Variants in GGA3 observed in about 807,000 individuals in gnomAD.
GGA3 encodes golgi associated, gamma adaptin ear containing, ARF binding protein 3.
Under a neutral mutation model 77.5 loss-of-function variants are expected in GGA3, and 57 were observed. The observed-to-expected ratio is 0.74, with a 90% CI of 0.59 to 0.92. The LOEUF is 0.92. Ranked by LOEUF, GGA3 falls within the 40% of genes least tolerant of loss-of-function variation. The probability of loss-of-function intolerance (pLI) is 0.00; values close to 1 mark genes in which losing one functional copy is unlikely to be tolerated. For missense variants in GGA3, 970 were observed against 914.9 expected (o/e 1.06, Z -0.78); for synonymous variants, 416 against 383.7 (o/e 1.08, Z -0.98).
rs1473481481 is a variant in GGA3, at chr17:75,236,814, G to T, written c.*1465C>A. On this transcript the variant is annotated 3_prime_UTR_variant, in exon 17 of 17. Coordinates refer to ENST00000537686, the MANE Select transcript of GGA3 (RefSeq NM_138619.4). ...GCAGCCAGTCTCTGGAAAGCTCTTGGATTTATTCCTTAAGTAGTGAAAAAT... is the reference window on the plus strand; with the variant it reads ...GCAGCCAGTCTCTGGAAAGCTCTTGTATTTATTCCTTAAGTAGTGAAAAAT... 1 of 153,846 alleles carries T rather than the reference G, an allele frequency of 6.5e-6. No homozygotes were observed. Among genetic ancestry groups the T allele is most frequent in the African/African-American group, 2.4e-5 (1 of 41,434 alleles). The allele number at this position is 153,846 out of a possible 1,614,324, so 9.5% of individuals were successfully genotyped here.
intron 3 of GGA3, among the ~76,000 whole-genome samples, chr17:75,246,012 C>T (rs1351945994): frequency 6.6e-6 from 1 of 152,230 alleles, no homozygotes; most frequent in Non-Finnish European, 1.5e-5. Flanking sequence ...CACCATTCCA[C>T]ACCTTAAATT....
chr17:75,244,706 T>C lies in GGA3; in HGVS notation c.213A>G (p.Ala71=), dbSNP rs139907625. ...ATCTCCTCCCACAGTTCTTCATGCATGCCTCCAGCACCTGTAGCCGCACAG... is the reference window on the plus strand; with the variant it reads ...ATCTCCTCCCACAGTTCTTCATGCACGCCTCCAGCACCTGTAGCCGCACAG... ...EALQALTVLE[A]CMKNCGRRFH... The change falls in exon 4 of 17, where the codon GCA becomes GCG. Residue 71 remains alanine (A), a synonymous_variant. Coordinates refer to ENST00000537686, the MANE Select transcript of GGA3 (RefSeq NM_138619.4). 157 of 1,613,276 alleles carry C rather than the reference T, an allele frequency of 9.7e-5. No individual in the cohort carries two copies. In the African/African-American group the frequency reaches 1.8e-3, roughly 19 times the overall value.
In GGA3 at chr17:75,237,264, G is replaced by A; in HGVS notation, c.*1015C>T. 4.9e-6 allele frequency: 3 copies of A among 606,292 alleles called. No homozygotes were observed. Among genetic ancestry groups the A allele is most frequent in the Non-Finnish European group, 8.8e-6 (3 of 339,466 alleles). 37.6% of individuals were successfully genotyped at this position (606,292 alleles called of 1,614,324 possible). A position where few individuals can be genotyped will look rare whatever the true frequency, so the allele number is the denominator to read the frequency against. ...TCGCTGACAGTGCCCCTCAGTAGCT[G>A]GGGAACAGTTGAGGTTTCTGGGCAG... On this transcript the variant is annotated 3_prime_UTR_variant, in exon 17 of 17. Transcript: ENST00000537686.
chr17:75,256,934 C>G (rs1417785980), intron 1 of GGA3, among the ~76,000 whole-genome samples: 5 of 151,582 alleles, frequency 3.3e-5, no homozygotes, highest in African/African-American at 9.8e-5. Flanking sequence ...GACACAATTC[C>G]TCAGTTTAGC....
intron 10 of GGA3, 64 bp downstream of exon 10, chr17:75,241,336 G>A (rs2076547984): frequency 2.8e-6 from 3 of 1,069,886 alleles, no homozygotes; most frequent in South Asian, 2.5e-5. Context: ...TACACCCGCA[G>A]CTTCATGATA....
rs763272140 is a variant in GGA3 at position 75,239,827 on chromosome 17, G to A, written c.1545C>T (p.His515=). 12 of 1,613,824 alleles carry A rather than the reference G, an allele frequency of 7.4e-6. No individual in the cohort carries two copies. Among genetic ancestry groups the A allele is most frequent in the Non-Finnish European group, 1.0e-5 (12 of 1,180,048 alleles). Residue 515 remains histidine (H), a synonymous_variant, in exon 13 of 17, where the codon CAC becomes CAT. Coordinates refer to ENST00000537686, the MANE Select transcript of GGA3 (RefSeq NM_138619.4). The part of the protein sequence containing the change: ...GLALGNSALH[H]LDALDQLLEE... The stretch of plus-strand genomic sequence containing the variant: ...CTAGAAGCTGATCGAGGGCATCCAG[G>A]TGGTGCAGCGCGCTGTTGCCCAACG...
At chr17:75,261,706 A>C, upstream of GGA3, 1 of 1,170,248 alleles carries the variant, frequency 8.5e-7, no homozygotes. Flanking sequence ...GCCGCGCCAG[A>C]CTGCGACGGA....
intron 7 of GGA3, 125 bp downstream of exon 7, chr17:75,242,706 G>A (rs1174350659): frequency 3.4e-5 from 32 of 936,734 alleles, no homozygotes; most frequent in Non-Finnish European, 4.9e-5. Context: ...CTCAGCCACC[G>A]GGGCACAGGT....
chr17:75,254,089 A>AG (rs2077061288), intron 1 of GGA3, among the ~76,000 whole-genome samples: 1 of 151,842 alleles, frequency 6.6e-6, no homozygotes, highest in Non-Finnish European at 1.5e-5. Flanking sequence ...GTTCCCTCTC[A>AG]AGTCTCTGTT....
intron 1 of GGA3, among the ~76,000 whole-genome samples, chr17:75,255,948 A>G (rs1344021848): frequency 2.0e-5 from 3 of 152,172 alleles, no homozygotes; most frequent in Non-Finnish European, 4.4e-5. Context: ...GGCTTCACAG[A>G]CAGCCCCCAT....
Position 75,241,688 on chromosome 17 carries a change from A to C in GGA3, c.756T>G (p.Phe252Leu), listed in dbSNP as rs200204002. The C allele has an allele frequency of 1.1e-5, 17 of 1,613,908 alleles. No homozygotes were observed. In the East Asian group the frequency reaches 3.8e-4, roughly 36 times the overall value. ...DGDRELMKEL[F>L]DQCENKRRTL... ...TCCGCCTCTTGTTCTCACACTGATCAAACAGCTCCTGAAAGAGACTCGGAC... is the reference window on the plus strand; with the variant it reads ...TCCGCCTCTTGTTCTCACACTGATCCAACAGCTCCTGAAAGAGACTCGGAC... The change falls in exon 9 of 17, where the codon TTT (phenylalanine) becomes TTG (leucine). Residue 252 changes from phenylalanine (F) to leucine (L), a missense_variant. Transcript: ENST00000537686.
At chr17:75,258,952 CTTTT>C (rs1189517940) in intron 1 of GGA3, among the ~76,000 whole-genome samples, 23 of 131,314 alleles carry the variant, frequency 1.8e-4, no homozygotes, top group Admixed American at 2.3e-4. Flanking sequence ...TGCCTTGTAT[CTTTT>C]TTTTTTTTTT....
intron 3 of GGA3, among the ~76,000 whole-genome samples, chr17:75,245,031 G>A (rs2076706738): frequency 6.6e-6 from 1 of 152,152 alleles, no homozygotes; most frequent in Non-Finnish European, 1.5e-5. Flanking sequence ...TTCTGGCCTC[G>A]TGTTTTACAA....
chr17:75,261,643 G>A, upstream of GGA3: 1 of 1,464,260 alleles, frequency 6.8e-7, no homozygotes, highest in South Asian at 1.4e-5. Context: ...CACGAGCTGA[G>A]ACGGGGCGGG....
At chr17:75,254,669 C>T (rs1598439824) in intron 1 of GGA3, among the ~76,000 whole-genome samples, 1 of 152,302 alleles carries the variant, frequency 6.6e-6, no homozygotes. Context: ...TTAACCTCGC[C>T]TTCAAGGTGT....
chr17:75,260,647 G>A (rs1375853775), intron 1 of GGA3, among the ~76,000 whole-genome samples: 2 of 152,128 alleles, frequency 1.3e-5, no homozygotes, highest in Admixed American at 1.3e-4. Flanking sequence ...GGCAATACTA[G>A]GTATCTCACC....
chr17:75,241,103 A>G, intron 10 of GGA3, 46 bp from the exon 11 acceptor site: 1 of 1,611,530 alleles, frequency 6.2e-7, no homozygotes, highest in Admixed American at 1.7e-5. Flanking sequence ...GGGGTCTTCT[A>G]GTGGCTGTGT....
rs2076473327 is a variant in GGA3, at chr17:75,239,885, A to C, written c.1487T>G (p.Val496Gly). 1.2e-6 allele frequency: 2 copies of C among 1,613,824 alleles called. No homozygotes were observed. Among genetic ancestry groups the C allele is most frequent in the Non-Finnish European group, 1.7e-6 (2 of 1,179,946 alleles). ...ATGGTGCCCAGGGACTGCGGGCTCA[A>C]CTTTTGGGGCCAAGGCTGGGGCCAC... ...TGVAPALAPK[V>G]EPAVPGHHGL... The change falls in exon 13 of 17, where the codon GTT becomes GGT. Residue 496 changes from valine to glycine, a missense_variant. Physicochemically the swap from Val to Gly is moderately radical, Grantham distance 109 (BLOSUM62 -3). Coordinates refer to ENST00000537686, the MANE Select transcript of GGA3 (RefSeq NM_138619.4).
Position 75,241,022 on chromosome 17 carries a change from C to T in GGA3, c.982G>A (p.Asp328Asn), listed in dbSNP as rs893588366. 19 of 1,614,074 alleles carry T rather than the reference C, an allele frequency of 1.2e-5. No individual in the cohort carries two copies. The highest frequency in any genetic ancestry group is 4.5e-5 in the East Asian group (2 of 44,860). ...SQCSNQGTLI[D>N]LAELDTTNSL... Reference sequence around the variant, plus strand: ...TTGGTCGTGTCCAGCTCCGCAAGGTCGATGAGCGTGCCTTGGTTACTGCAC... The same window carrying T: ...TTGGTCGTGTCCAGCTCCGCAAGGTTGATGAGCGTGCCTTGGTTACTGCAC... The change falls in exon 11 of 17, where the codon GAC becomes AAC. Residue 328 changes from aspartate (D) to asparagine (N), a missense_variant. By Grantham distance (23) the Asp-to-Asn change is conservative. Transcript: ENST00000537686.
Sources: gnomAD v4.1 joint callset for allele counts (sites outside exome capture counted in the v4.1 genomes callset) on GRCh38, gnomAD v4.1.1 for gene constraint, MANE v1.5 for transcripts, NCBI Gene and HGNC (gene_info 2026-07-23, HGNC 2026-07-21) for gene names.